ERGIC2: variants seen among roughly 807,000 people sequenced by gnomAD.
ERGIC2 encodes the protein endoplasmic reticulum-Golgi intermediate compartment protein 2.
ERGIC2 carries 31 observed loss-of-function variants against 52.5 expected under a neutral mutation model. The ratio of observed to expected loss-of-function variants is 0.59; its 90% CI spans 0.44 to 0.80. The LOEUF (loss-of-function observed/expected upper bound fraction) is 0.80, where lower values mean the gene tolerates loss of function less well. Among genes scored for constraint, ERGIC2 ranks in the 30% least tolerant of loss-of-function variants. The pLI, the probability that ERGIC2 is intolerant of heterozygous loss-of-function variation, is 0.00. For synonymous variants in ERGIC2, 129 were observed against 140.6 expected (o/e 0.92, Z 0.58); for missense variants, 395 against 455.2 (o/e 0.87, Z 1.20).
Position 29,371,577 on chromosome 12 carries a change from A to G in ERGIC2, c.57T>C (p.Phe19=). 1 of 1,613,674 alleles carries G rather than the reference A, an allele frequency of 6.2e-7. No individual in the cohort carries two copies. The change falls in exon 2 of 14, where the codon TTT becomes TTC. Residue 19 remains phenylalanine, a synonymous_variant. Transcript: ENST00000360150. The part of the protein sequence containing the change: ...TLSLVKELDA[F]PKVPESYVET... ...CTACATAGCTCTCAGGAACCTTCGG[A>G]AAGGCATCCAACTCTTTTACCAAAC... is the stretch of plus-strand genomic sequence containing the variant.
intron 8 of ERGIC2, among the ~76,000 whole-genome samples, chr12:29,351,657 T>C (rs990308529): frequency 2.6e-5 from 4 of 152,206 alleles, no homozygotes; most frequent in Non-Finnish European, 5.9e-5. Flanking sequence ...AGTCATCTGA[T>C]TGTCTAAAGC....
chr12:29,348,646 C>A (rs1219731648), intron 10 of ERGIC2, among the ~76,000 whole-genome samples: 1 of 151,898 alleles, frequency 6.6e-6, no homozygotes, highest in Non-Finnish European at 1.5e-5. Context: ...TTGTAAAATT[C>A]TCCAGAGAGG....
intron 10 of ERGIC2, among the ~76,000 whole-genome samples, chr12:29,348,360 C>T (rs1008317229): frequency 1.3e-5 from 2 of 152,000 alleles, no homozygotes; most frequent in Non-Finnish European, 2.9e-5. Flanking sequence ...TTCCTACTAG[C>T]TGAACAAGCT....
intron 8 of ERGIC2, among the ~76,000 whole-genome samples, chr12:29,356,055 C>T (rs1456828647): frequency 6.6e-6 from 1 of 151,364 alleles, no homozygotes; most frequent in African/African-American, 2.4e-5. Flanking sequence ...CAGAGTTTTG[C>T]TCATCGCCCA....
chr12:29,364,407 CAGA>C (rs1419734297), intron 5 of ERGIC2, among the ~76,000 whole-genome samples: 1 of 151,960 alleles, frequency 6.6e-6, no homozygotes, highest in Non-Finnish European at 1.5e-5. Flanking sequence ...TAGCCATATG[CAGA>C]AGAATGAAAC....
intron 8 of ERGIC2, among the ~76,000 whole-genome samples, chr12:29,354,367 G>A (rs1461880664): frequency 1.3e-5 from 2 of 152,152 alleles, no homozygotes; most frequent in Admixed American, 6.6e-5. Flanking sequence ...TATCTGAGTA[G>A]CCAATACATC....
intron 2 of ERGIC2, among the ~76,000 whole-genome samples, chr12:29,371,170 C>T (rs1199321862): frequency 6.6e-6 from 1 of 151,914 alleles, no homozygotes; most frequent in Non-Finnish European, 1.5e-5. Context: ...AGTATAGTAA[C>T]CCCTAGGAGG....
intron 2 of ERGIC2, among the ~76,000 whole-genome samples, chr12:29,370,495 TCTCA>T (rs1480110019): frequency 2.6e-5 from 4 of 151,980 alleles, no homozygotes; most frequent in African/African-American, 7.2e-5. Context: ...TAAGGGCATC[TCTCA>T]CTAAGTAGAG....
intron 1 of ERGIC2, 71 bp from the exon 2 acceptor site, chr12:29,371,741 T>C: frequency 1.4e-6 from 1 of 694,976 alleles, no homozygotes; most frequent in Non-Finnish European, 2.4e-6. Context: ...AAATTTAGGA[T>C]AACTGACAAA....
intron 13 of ERGIC2, 48 bp downstream of exon 13, chr12:29,341,686 A>C (rs770545617): frequency 1.0e-6 from 1 of 991,650 alleles, no homozygotes; most frequent in Admixed American, 1.9e-5. Context: ...AGACTTAACA[A>C]TGATTCTAAG....
intron 10 of ERGIC2, among the ~76,000 whole-genome samples, chr12:29,346,057 G>A (rs149476696): frequency 4.0e-5 from 6 of 151,724 alleles, no homozygotes; most frequent in South Asian, 4.1e-4. Context: ...ATTTATACTC[G>A]GTAAAACAAG....
intron 5 of ERGIC2, among the ~76,000 whole-genome samples, chr12:29,362,472 C>T (rs527869385): frequency 2.0e-5 from 3 of 151,992 alleles, no homozygotes; most frequent in South Asian, 4.1e-4. Flanking sequence ...TGGTAGGCAC[C>T]TGTAATCCCA....
Position 29,356,446 on chromosome 12 carries a change from A to G in ERGIC2, c.508T>C (p.Cys170Arg), listed in dbSNP as rs1565539276. Residue 170 changes from cysteine (C) to arginine (R), a missense_variant, in exon 8 of 14, where the codon TGC (cysteine) becomes CGC (arginine). Cys to Arg is a radical substitution (Grantham distance 180). Transcript: ENST00000360150. ...EDDSSQSPNACRIHGHLYVNK... is the reference protein window; with the variant it reads ...EDDSSQSPNARRIHGHLYVNK... ...ACATATAGATGGCCATGAATTCTGC[A>G]TGCATTTGGAGACTGTGATGAATCA... 6.2e-7 allele frequency: 1 copy of G among 1,601,388 alleles called. No homozygotes were observed. The highest frequency in any genetic ancestry group is 2.2e-5 in the East Asian group (1 of 44,794).
chr12:29,366,826 G>T, intron 5 of ERGIC2, 51 bp downstream of exon 5: 2 of 1,100,950 alleles, frequency 1.8e-6, no homozygotes, highest in South Asian at 1.4e-5. Flanking sequence ...GTCTTCAAGC[G>T]TACGATTCCT....
chr12:29,342,027 T>G (rs1013931379), intron 12 of ERGIC2, among the ~76,000 whole-genome samples: 35 of 152,170 alleles, frequency 2.3e-4, no homozygotes, highest in Admixed American at 1.4e-3. Flanking sequence ...ACAATCTTTT[T>G]TTTTTTGAGA....
chr12:29,345,581 A>C (rs760679330), intron 10 of ERGIC2, 41 bp from the exon 11 acceptor site: 17 of 981,782 alleles, frequency 1.7e-5, no homozygotes, highest in Non-Finnish European at 2.6e-5. Context: ...CAGTAGCAAC[A>C]AAACTACTGC....
intron 13 of ERGIC2, among the ~76,000 whole-genome samples, 159 bp from the exon 14 acceptor site, chr12:29,341,377 A>G (rs1041200437): frequency 1.8e-4 from 27 of 150,240 alleles, no homozygotes; most frequent in African/African-American, 6.2e-4. Flanking sequence ...CTCTATCTCT[A>G]TCTTTTTTGA....
chr12:29,357,611 T>C lies in ERGIC2; in HGVS notation c.476+12A>G, dbSNP rs1940226066. On this transcript the variant is annotated intron_variant, in intron 7 of 13. Coordinates refer to ENST00000360150, the MANE Select transcript of ERGIC2 (RefSeq NM_016570.3). Reference sequence around the variant, plus strand: ...ATAATAAACAGTTGCACATTTAAAATACAGATCTCACCTTGGTGGAAGAGC... The same window carrying C: ...ATAATAAACAGTTGCACATTTAAAACACAGATCTCACCTTGGTGGAAGAGC... 1 of 1,369,066 alleles carries C rather than the reference T, an allele frequency of 7.3e-7. No individual in the cohort carries two copies. Among genetic ancestry groups the C allele is most frequent in the Non-Finnish European group, 1.0e-6 (1 of 965,232 alleles). The allele number at this position is 1,369,066 out of a possible 1,614,324, so 84.8% of individuals were successfully genotyped here.
intron 1 of ERGIC2, among the ~76,000 whole-genome samples, chr12:29,374,898 T>C (rs527646735): frequency 1.3e-5 from 2 of 152,240 alleles, no homozygotes; most frequent in East Asian, 3.9e-4. Flanking sequence ...ATAAATCTGA[T>C]ATTTCTCTTC....
Sources: gnomAD v4.1 joint callset for allele counts (sites outside exome capture counted in the v4.1 genomes callset) on GRCh38, gnomAD v4.1.1 for gene constraint, MANE v1.5 for transcripts, NCBI Gene and HGNC (gene_info 2026-07-23, HGNC 2026-07-21) for gene names.